DROSHA: variants seen among roughly 807,000 people sequenced by gnomAD.
The protein encoded by DROSHA is drosha ribonuclease III.
A neutral mutation model predicts 181.9 loss-of-function variants in DROSHA; 56 were observed. The observed-to-expected ratio is 0.31, with a 90% CI of 0.25 to 0.38. The LOEUF (loss-of-function observed/expected upper bound fraction) is 0.38. Ranked by LOEUF, DROSHA falls within the 10% of genes least tolerant of loss-of-function variation. The probability of loss-of-function intolerance (pLI) is 1.00; values close to 1 mark genes in which losing one functional copy is unlikely to be tolerated. For synonymous variants in DROSHA, 524 were observed against 591.2 expected (o/e 0.89, Z 1.65); for missense variants, 1,218 against 1,743.5 (o/e 0.70, Z 5.37).
At chr5:31,496,051 AT>A (rs1345668094) in intron 11 of DROSHA, among the ~76,000 whole-genome samples, 1 of 152,054 alleles carries the variant, frequency 6.6e-6, no homozygotes, top group Non-Finnish European at 1.5e-5. Flanking sequence ...GTGTCTTGGC[AT>A]TTTCCAGCAT....
intron 28 of DROSHA, among the ~76,000 whole-genome samples, chr5:31,423,503 T>G (rs955032954): frequency 4.6e-5 from 7 of 152,222 alleles, no homozygotes; most frequent in African/African-American, 1.7e-4. Flanking sequence ...GCAATGAGCA[T>G]CATTAAAACA....
intron 28 of DROSHA, among the ~76,000 whole-genome samples, chr5:31,423,824 A>T (rs1264327897): frequency 6.6e-6 from 1 of 152,202 alleles, no homozygotes; most frequent in Non-Finnish European, 1.5e-5. Flanking sequence ...ACAGAAATAA[A>T]GGCAAAGAAT....
chr5:31,445,523 C>A (rs540987398), intron 23 of DROSHA, among the ~76,000 whole-genome samples: 1 of 152,292 alleles, frequency 6.6e-6, no homozygotes, highest in Admixed American at 6.5e-5. Context: ...AAACAAGTAT[C>A]TCTTGTGAAT....
At position 31,451,575 on chromosome 5, in the gene DROSHA, G is replaced by T. The variant is rs754323893; in HGVS notation, c.2640C>A (p.Asp880Glu). ...CTTGGAAAGTATATCCTATCAACTT[G>T]TCCAAATGCATTAGGCATTGGTGGT... ...IRYHQCLMHL[D>E]KLIGYTFQDR... The change falls in exon 21 of 36, where the codon GAC (aspartate) becomes GAA (glutamate). Residue 880 changes from aspartate (D) to glutamate (E), a missense_variant. Physicochemically the swap from Asp to Glu is conservative, Grantham distance 45. Around this residue, in one of 8 missense-constraint regions of DROSHA, gnomAD observed 460 missense variants for 774.2 expected, o/e 0.59. Coordinates refer to ENST00000344624, the MANE Select transcript of DROSHA (RefSeq NM_001382508.1). 6.2e-7 allele frequency: 1 copy of T among 1,612,870 alleles called. No individual in the cohort carries two copies. The highest frequency in any genetic ancestry group is 8.5e-7 in the Non-Finnish European group (1 of 1,179,474).
At chr5:31,479,170 T>C (rs1298935506) in intron 16 of DROSHA, among the ~76,000 whole-genome samples, 2 of 152,178 alleles carry the variant, frequency 1.3e-5, no homozygotes, top group Non-Finnish European at 2.9e-5. Flanking sequence ...ATATTGTTAT[T>C]CCACTTGAAG....
chr5:31,464,167 C>A, intron 20 of DROSHA, 69 bp downstream of exon 20: 3 of 1,305,896 alleles, frequency 2.3e-6, no homozygotes, highest in East Asian at 2.4e-5. Context: ...ATTAAGAAAC[C>A]CTCAGTACCA....
rs1022295305 is a variant in DROSHA, at chr5:31,470,463, C to A, written c.2241+1600G>T. Among the ~76,000 whole-genome samples the A allele has an allele frequency of 5.3e-5, 8 of 151,986 alleles. No homozygotes were observed. The highest frequency in any genetic ancestry group is 7.4e-5 in the Non-Finnish European group (5 of 68,002). ...CAAAAATAGTTGCGGTATGGCAGAC[C>A]CCCGCAACTACTTTTGTGCCAGCCT... On this transcript the variant is annotated intron_variant, in intron 17 of 35. Coordinates refer to ENST00000344624, the MANE Select transcript of DROSHA (RefSeq NM_001382508.1). The surrounding 1 kb of genome is among the most constrained non-coding windows in gnomAD (Gnocchi z 4.0).
At chr5:31,447,712 A>C (rs1331804508) in intron 23 of DROSHA, among the ~76,000 whole-genome samples, 7 of 152,222 alleles carry the variant, frequency 4.6e-5, no homozygotes, top group Non-Finnish European at 1.5e-5. Flanking sequence ...ATTTCTCTGA[A>C]GAAGATGAAC....
chr5:31,507,277 A>G (rs1294903707), intron 10 of DROSHA, among the ~76,000 whole-genome samples: 1 of 152,162 alleles, frequency 6.6e-6, no homozygotes, highest in Admixed American at 6.5e-5. Context: ...CCTGATCAAC[A>G]TGGAGAAACC....
At chr5:31,457,882 G>C (rs1747858412) in intron 20 of DROSHA, among the ~76,000 whole-genome samples, 1 of 152,156 alleles carries the variant, frequency 6.6e-6, no homozygotes, top group Non-Finnish European at 1.5e-5. Flanking sequence ...GACACAGCAA[G>C]ACCCTGACTC....
chr5:31,515,513 T>A lies in DROSHA; in HGVS notation c.999A>T (p.Leu333Phe). ...CTGTATTTTTAATAATCTCCCCAGG[T>A]AATTCTGGTGTGCATCCAGCAGGTT... is the stretch of plus-strand genomic sequence containing the variant. ...VPEPAGCTPE[L>F]PGEIIKNTDS... Residue 333 changes from leucine to phenylalanine, a missense_variant, in exon 7 of 36, where the codon TTA becomes TTT. By Grantham distance (22) the Leu-to-Phe change is conservative (BLOSUM62 0). Around this residue, in one of 8 missense-constraint regions of DROSHA, gnomAD observed 536 missense variants for 535.4 expected, o/e 1.00. Transcript: ENST00000344624. 6.6e-7 allele frequency: 1 copy of A among 1,521,406 alleles called. No homozygotes were observed. The highest frequency in any genetic ancestry group is 8.9e-7 in the Non-Finnish European group (1 of 1,119,112). 94.2% of individuals were successfully genotyped at this position (1,521,406 alleles called of 1,614,324 possible).
At chr5:31,408,949 G>C (rs1740979580) in intron 33 of DROSHA, 107 bp downstream of exon 33, 1 of 1,017,332 alleles carries the variant, frequency 9.8e-7, no homozygotes, top group Non-Finnish European at 1.4e-6. Flanking sequence ...CTCAATCCTG[G>C]GCTCCTGTCA....
At chr5:31,488,482 C>G (rs1392417655) in intron 13 of DROSHA, among the ~76,000 whole-genome samples, 1 of 148,284 alleles carries the variant, frequency 6.7e-6, no homozygotes, top group Non-Finnish European at 1.5e-5. Flanking sequence ...TGAGGCAGAG[C>G]AGGTGTTTAG....
At chr5:31,415,112 G>A (rs189151519) in intron 30 of DROSHA, among the ~76,000 whole-genome samples, 53 of 152,156 alleles carry the variant, frequency 3.5e-4, no homozygotes, top group African/African-American at 1.2e-3. Context: ...AGATTTATTC[G>A]TTTAAATAAA....
In DROSHA at chr5:31,526,068, A is replaced by C. The variant is rs371884661; in HGVS notation, c.854+11T>G. On this transcript the variant is annotated intron_variant, in intron 5 of 35. Coordinates refer to ENST00000344624, the MANE Select transcript of DROSHA (RefSeq NM_001382508.1). ...TGCAGTTCATTAAAGAACTACACAC[A>C]AGCGGTTTACCTGCTCCGTTCGTAG... 145 of 1,564,144 alleles carry C rather than the reference A, an allele frequency of 9.3e-5. No homozygotes were observed. Among genetic ancestry groups the C allele is most frequent in the Non-Finnish European group, 1.2e-4 (137 of 1,149,784 alleles).
intron 3 of DROSHA, among the ~76,000 whole-genome samples, chr5:31,529,756 AAAAC>A (rs1382415196): frequency 6.6e-6 from 1 of 151,874 alleles, no homozygotes; most frequent in East Asian, 1.9e-4. Context: ...AACAAAAAAA[AAAAC>A]AAACCATGTA....
chr5:31,402,316 C>A (rs1403267709), intron 35 of DROSHA, among the ~76,000 whole-genome samples: 1 of 152,178 alleles, frequency 6.6e-6, no homozygotes, highest in Non-Finnish European at 1.5e-5. Flanking sequence ...CATCAGTGAT[C>A]TCGCTCTCCA....
Position 31,514,777 on chromosome 5 carries a change from G to C in DROSHA, c.1290+211C>G, listed in dbSNP as rs1379251342. Among the ~76,000 whole-genome samples the C allele has an allele frequency of 1.3e-5, 2 of 152,136 alleles. No individual in the cohort carries two copies. The highest frequency in any genetic ancestry group is 4.8e-5 in the African/African-American group (2 of 41,418). On this transcript the variant is annotated intron_variant, in intron 8 of 35. Transcript: ENST00000344624. This position sits in a 1 kb window ranked among gnomAD's most constrained non-coding sequence, Gnocchi z 4.4. ...ACTGGGGGTGATCTTTTCCCCCCAGGGGACATTTGGCAATATTTGAAGACA... is the reference window on the plus strand; with the variant it reads ...ACTGGGGGTGATCTTTTCCCCCCAGCGGACATTTGGCAATATTTGAAGACA...
At chr5:31,418,398 A>T (rs557198746) in intron 30 of DROSHA, among the ~76,000 whole-genome samples, 2 of 152,056 alleles carry the variant, frequency 1.3e-5, no homozygotes, top group East Asian at 1.9e-4. Flanking sequence ...CCTCCCAAGT[A>T]ACTGGGGCTA....
Sources: gnomAD v4.1 joint callset for allele counts (sites outside exome capture counted in the v4.1 genomes callset) on GRCh38, gnomAD v4.1.1 for gene constraint, gnomAD v4.1.1 regional missense constraint, Gnocchi (gnomAD v3.1) non-coding constraint, MANE v1.5 for transcripts, NCBI Gene and HGNC (gene_info 2026-07-23, HGNC 2026-07-21) for gene names.